Variants in GPC6 observed in about 807,000 individuals in gnomAD.
GPC6 encodes glypican 6.
Under a neutral mutation model 55.2 loss-of-function variants are expected in GPC6, and 14 were observed. The observed-to-expected ratio is 0.25, with a 90% CI of 0.17 to 0.40. The LOEUF (loss-of-function observed/expected upper bound fraction) is 0.40, where lower values mean the gene tolerates loss of function less well. Among genes scored for constraint, GPC6 ranks in the 10% least tolerant of loss-of-function variants. GPC6 has a pLI of 1.00. For synonymous variants in GPC6, 278 were observed against 259.6 expected (o/e 1.07, Z -0.68); for missense variants, 641 against 708.5 (o/e 0.90, Z 1.08).
intron 3 of GPC6, among the ~76,000 whole-genome samples, chr13:94,013,380 C>T (rs1308773298): frequency 6.6e-6 from 1 of 151,996 alleles, no homozygotes; most frequent in Non-Finnish European, 1.5e-5. Flanking sequence ...GATGGAGTTT[C>T]ACTCTTGTTG....
chr13:94,196,007 G>T (rs1459715505), intron 4 of GPC6, among the ~76,000 whole-genome samples: 1 of 152,170 alleles, frequency 6.6e-6, no homozygotes, highest in East Asian at 1.9e-4. Context: ...GCATCTTGGG[G>T]CTATGAGAAC....
At chr13:94,286,627 T>G in intron 5 of GPC6, 148 bp downstream of exon 5, 1 of 719,602 alleles carries the variant, frequency 1.4e-6, no homozygotes, top group South Asian at 1.9e-5. Flanking sequence ...AATTTGCTAC[T>G]TCATTAAAAA....
At chr13:94,267,366 A>G (rs1891851132) in intron 4 of GPC6, among the ~76,000 whole-genome samples, 1 of 152,184 alleles carries the variant, frequency 6.6e-6, no homozygotes, top group Admixed American at 6.5e-5. Context: ...TAGAAGAACA[A>G]ATATATTTTT....
intron 3 of GPC6, among the ~76,000 whole-genome samples, chr13:93,855,057 C>T (rs2139017963): frequency 6.6e-6 from 1 of 151,748 alleles, no homozygotes; most frequent in East Asian, 2.0e-4. Flanking sequence ...CCATAGTTTA[C>T]ATTAGGTTCA....
At chr13:93,676,129 ATATATATATATATATATATATAT>A (rs1881606796) in intron 2 of GPC6, among the ~76,000 whole-genome samples, 4 of 7,240 alleles carry the variant, frequency 5.5e-4, no homozygotes, top group Non-Finnish European at 3.3e-3. Context: ...AAAAAAAAAT[ATATATATATATATATATATATAT>A]ATATATATAT....
At chr13:93,708,527 T>C (rs1882935273) in intron 2 of GPC6, among the ~76,000 whole-genome samples, 1 of 151,836 alleles carries the variant, frequency 6.6e-6, no homozygotes, top group South Asian at 2.1e-4. Context: ...TTTGCTGTTA[T>C]CCTCTGATAT....
chr13:94,339,190 A>G (rs1877888202), intron 6 of GPC6, among the ~76,000 whole-genome samples: 1 of 151,886 alleles, frequency 6.6e-6, no homozygotes, highest in Admixed American at 6.6e-5. Context: ...TCAGCCCCAC[A>G]AGTAGCTAAG....
intron 3 of GPC6, among the ~76,000 whole-genome samples, chr13:93,982,901 T>G (rs1478097897): frequency 6.6e-6 from 1 of 152,224 alleles, no homozygotes; most frequent in Non-Finnish European, 1.5e-5. Flanking sequence ...TCAGAATGTT[T>G]ATACTTATAT....
chr13:94,255,094 G>A (rs1289319189), intron 4 of GPC6, among the ~76,000 whole-genome samples: 1 of 152,180 alleles, frequency 6.6e-6, no homozygotes, highest in African/African-American at 2.4e-5. Flanking sequence ...ACCAGTTCAA[G>A]TCAGAAATTA....
rs1566301242 is a variant in GPC6 at position 93,327,760 on chromosome 13, A to AT, written c.160+100144_160+100145insT. Among the ~76,000 whole-genome samples, 103 of 150,606 alleles carry AT rather than the reference A, an allele frequency of 6.8e-4. 3 individuals are homozygous for AT. Among genetic ancestry groups the AT allele is most frequent in the Admixed American group, 4.0e-4 (6 of 15,082 alleles). On this transcript the variant is annotated intron_variant, in intron 1 of 8. Coordinates refer to ENST00000377047, the MANE Select transcript of GPC6 (RefSeq NM_005708.5). ...AGTGCTTCAAATTAAAATTATATATAATATATATATATGTATTAAACGGAA... is the reference window on the plus strand; with the variant it reads ...AGTGCTTCAAATTAAAATTATATATATATATATATATATGTATTAAACGGAA...
At chr13:93,695,752 A>G (rs1321060546) in intron 2 of GPC6, among the ~76,000 whole-genome samples, 33 of 152,120 alleles carry the variant, frequency 2.2e-4, no homozygotes, top group Admixed American at 2.1e-3. Flanking sequence ...TTTTCAAGCT[A>G]TGTCAAAAAT....
chr13:93,414,588 G>A (rs999046635), intron 1 of GPC6, among the ~76,000 whole-genome samples: 3 of 152,098 alleles, frequency 2.0e-5, no homozygotes, highest in African/African-American at 4.8e-5. Flanking sequence ...AATAAATAGC[G>A]AGTAGTCTGA....
At chr13:94,213,013 G>T (rs968575404) in intron 4 of GPC6, among the ~76,000 whole-genome samples, 1 of 152,080 alleles carries the variant, frequency 6.6e-6, no homozygotes, top group African/African-American at 2.4e-5. Flanking sequence ...AAAATTAGCC[G>T]AGCGTGATGG....
intron 4 of GPC6, among the ~76,000 whole-genome samples, chr13:94,245,607 A>C (rs1431398032): frequency 6.6e-6 from 1 of 151,996 alleles, no homozygotes; most frequent in Admixed American, 6.6e-5. Flanking sequence ...GAGATCATGC[A>C]ATAATTTTCT....
chr13:94,316,407 G>T (rs1213888890), intron 6 of GPC6, among the ~76,000 whole-genome samples: 3 of 152,164 alleles, frequency 2.0e-5, no homozygotes, highest in Non-Finnish European at 4.4e-5. Context: ...CAAGAAATAG[G>T]AGAAAAGTGG....
At chr13:93,281,542 A>T (rs1877949020) in intron 1 of GPC6, among the ~76,000 whole-genome samples, 1 of 152,226 alleles carries the variant, frequency 6.6e-6, no homozygotes, top group Non-Finnish European at 1.5e-5. Context: ...GGCTGGGCGC[A>T]GTGGCTTACA....
At position 94,104,560 on chromosome 13, in the gene GPC6, C is replaced by T. The variant is rs148484467; in HGVS notation, c.877+76666C>T. On this transcript the variant is annotated intron_variant, in intron 4 of 8. Transcript: ENST00000377047. ...GTTTGCAGATGACGTGATTGTATAT[C>T]TAGAAAACCCCATCGTCTCAGCCCA... 4.1e-3 allele frequency among the ~76,000 whole-genome samples: 622 copies of T among 152,254 alleles called. 20 individuals are homozygous for T. Among genetic ancestry groups the T allele is most frequent in the Admixed American group, 0.036 (551 of 15,286 alleles).
At chr13:93,220,122 T>C in the GPC6 span, among the ~76,000 whole-genome samples, 1 of 152,206 alleles carries the variant, frequency 6.6e-6, no homozygotes, top group South Asian at 2.1e-4. Context: ...GTCAAAATAA[T>C]TAATGATAGA....
intron 4 of GPC6, among the ~76,000 whole-genome samples, chr13:94,088,401 G>T: frequency 6.6e-6 from 1 of 151,972 alleles, no homozygotes; most frequent in East Asian, 1.9e-4. Context: ...AGGAGAAAAA[G>T]TGGAGCCAGG....
Sources: allele counts gnomAD v4.1 joint callset (sites outside exome capture counted in the v4.1 genomes callset), GRCh38; gene constraint gnomAD v4.1.1; transcripts MANE v1.5; gene names NCBI Gene and HGNC (gene_info 2026-07-23, HGNC 2026-07-21).